FRMPD4: variants seen among roughly 807,000 people sequenced by gnomAD.
FRMPD4 encodes FERM and PDZ domain containing 4.
In FRMPD4, 22 loss-of-function variants were observed where a neutral mutation model predicts 94.1. The ratio of observed to expected loss-of-function variants is 0.23; its 90% CI spans 0.17 to 0.33. The LOEUF (loss-of-function observed/expected upper bound fraction) is 0.33. Ranked by LOEUF, FRMPD4 falls within the 10% of genes least tolerant of loss-of-function variation. FRMPD4 has a pLI of 1.00. For synonymous variants in FRMPD4, 631 were observed against 548.6 expected, an observed-to-expected ratio of 1.15 and a Z score of -2.10; for missense variants, 1,111 against 1,339.9, an observed-to-expected ratio of 0.83 and a Z score of 2.67.
At chrX:11,892,016 C>T (rs2053877043) in intron 3 of FRMPD4, among the ~76,000 whole-genome samples, 1 of 112,069 alleles carries the variant, frequency 8.9e-6, no homozygotes, top group Non-Finnish European at 1.9e-5. Context: ...TATCAGAGGA[C>T]TCAGTAGCTT....
Position 12,154,962 on chromosome X carries a change from C to CATTCTCTTTGTGAGG in FRMPD4, c.41+15951_41+15965dup, listed in dbSNP as rs1425367266. On this transcript the variant is annotated intron_variant, in intron 1 of 16. Transcript: ENST00000675598. ...GCAGGGGTGGCCAGAGCACTGTGAGCATTCTCTTTGTGAGGCTCTTTCTTT... is the reference window on the plus strand; with the variant it reads ...GCAGGGGTGGCCAGAGCACTGTGAGCATTCTCTTTGTGAGGATTCTCTTTGTGAGGCTCTTTCTTT... Among the ~76,000 whole-genome samples the CATTCTCTTTGTGAGG allele has an allele frequency of 2.7e-5, 3 of 112,385 alleles. No individual in the cohort carries two copies. In the East Asian group the frequency reaches 8.4e-4, roughly 31 times the overall value.
intron 1 of FRMPD4, among the ~76,000 whole-genome samples, chrX:12,317,033 C>T (rs972221224): frequency 2.7e-5 from 3 of 112,098 alleles, no homozygotes; most frequent in African/African-American, 9.7e-5. Flanking sequence ...ATTTTAAGAT[C>T]TGAATGCTGA....
intron 1 of FRMPD4, among the ~76,000 whole-genome samples, chrX:12,163,513 G>T (rs2147624638): frequency 9.5e-6 from 1 of 105,557 alleles, no homozygotes; most frequent in South Asian, 4.3e-4. Flanking sequence ...AGACCTTGAG[G>T]TTTTGAAGTT....
At chrX:12,492,326 ATAAC>A (rs771722699) in intron 1 of FRMPD4, among the ~76,000 whole-genome samples, 4 of 112,255 alleles carry the variant, frequency 3.6e-5, no homozygotes, top group East Asian at 2.8e-4. Flanking sequence ...ATTAAGAAAC[ATAAC>A]TAACTCAACA....
chrX:12,107,437 C>A (rs2055309921), intron 3 of FRMPD4, among the ~76,000 whole-genome samples: 1 of 111,737 alleles, frequency 8.9e-6, no homozygotes, highest in East Asian at 2.8e-4. Flanking sequence ...GATGAAACCA[C>A]AAAGATGGGG....
chrX:12,519,873 T>C (rs1324276818), intron 2 of FRMPD4, among the ~76,000 whole-genome samples: 1 of 112,081 alleles, frequency 8.9e-6, no homozygotes, highest in African/African-American at 3.2e-5. Context: ...TTAGGATAGC[T>C]ACTCTCATAA....
intron 4 of FRMPD4, among the ~76,000 whole-genome samples, chrX:12,656,897 ACCAACATGGAGAAACC>A (rs2059662660): frequency 9.0e-6 from 1 of 110,703 alleles, no homozygotes; most frequent in South Asian, 3.9e-4. Context: ...GACCAGCCTG[ACCAACATGGAGAAACC>A]CCATCTCTAC....
intron 2 of FRMPD4, among the ~76,000 whole-genome samples, chrX:12,539,649 T>C (rs1353736199): frequency 1.8e-5 from 2 of 110,461 alleles, no homozygotes; most frequent in Non-Finnish European, 3.8e-5. Context: ...TTTTTTTTTT[T>C]TGAGACGGAG....
chrX:11,911,228 G>A (rs775139259), intron 3 of FRMPD4, among the ~76,000 whole-genome samples: 31 of 112,462 alleles, frequency 2.8e-4, no homozygotes, highest in Non-Finnish European at 4.7e-4. Context: ...TTGAGCTGTC[G>A]TTTGTCAACT....
intron 1 of FRMPD4, among the ~76,000 whole-genome samples, chrX:12,147,518 A>T (rs1047548294): frequency 8.9e-6 from 1 of 112,292 alleles, no homozygotes; most frequent in Non-Finnish European, 1.9e-5. Context: ...CTTGTATGAC[A>T]CTGTGTTATG....
intron 1 of FRMPD4, among the ~76,000 whole-genome samples, chrX:12,371,965 T>C (rs183541093): frequency 8.9e-6 from 1 of 112,348 alleles, no homozygotes; most frequent in East Asian, 2.8e-4. Flanking sequence ...GATATAACTA[T>C]ACCAAAAAAA....
At chrX:12,567,749 T>C (rs1210429615) in intron 2 of FRMPD4, among the ~76,000 whole-genome samples, 1 of 111,014 alleles carries the variant, frequency 9.0e-6, no homozygotes, top group Non-Finnish European at 1.9e-5. Flanking sequence ...TGGATCCTAG[T>C]GAGGTGCTAT....
upstream of FRMPD4, among the ~76,000 whole-genome samples, chrX:12,136,471 A>G (rs1162044627): frequency 9.0e-5 from 10 of 111,629 alleles, no homozygotes; most frequent in Non-Finnish European, 1.3e-4. Context: ...GCAATTTTAA[A>G]TTGGCTTTCT....
At chrX:12,306,916 T>C (rs1404421588) in intron 1 of FRMPD4, among the ~76,000 whole-genome samples, 1 of 111,194 alleles carries the variant, frequency 9.0e-6, no homozygotes, top group Non-Finnish European at 1.9e-5. Context: ...AGATGGTGGA[T>C]GTTTTCCATA....
In FRMPD4 at chrX:12,596,479, G is replaced by A. The variant is rs765480456; in HGVS notation, c.159-13242G>A. Reference sequence around the variant, plus strand: ...GAAGACAGTGCTCATTCTACTCTCAGTGACTATTCTCTTCTCCCTGCTGAA... The same window carrying A: ...GAAGACAGTGCTCATTCTACTCTCAATGACTATTCTCTTCTCCCTGCTGAA... On this transcript the variant is annotated intron_variant, in intron 2 of 16. Coordinates refer to ENST00000675598, the MANE Select transcript of FRMPD4 (RefSeq NM_001368397.1). 2.7e-5 allele frequency among the ~76,000 whole-genome samples: 3 copies of A among 110,817 alleles called. No homozygotes were observed. The South Asian group carries it at 1.2e-3, about 43-fold the overall frequency.
chrX:12,265,714 T>C (rs1232410112), intron 1 of FRMPD4, among the ~76,000 whole-genome samples: 1 of 110,045 alleles, frequency 9.1e-6, no homozygotes, highest in Non-Finnish European at 1.9e-5. Context: ...ATGATTACAA[T>C]ACAGTTTTAA....
chrX:12,331,692 A>C (rs9803287), intron 1 of FRMPD4, among the ~76,000 whole-genome samples: 16 of 63,797 alleles, frequency 2.5e-4, no homozygotes, highest in African/African-American at 1.0e-3. Flanking sequence ...TATTTATATA[A>C]TATATAAATA....
chrX:12,472,211 G>A, intron 1 of FRMPD4, among the ~76,000 whole-genome samples: 1 of 112,595 alleles, frequency 8.9e-6, no homozygotes, highest in Non-Finnish European at 1.9e-5. Flanking sequence ...CTGGGGGTCA[G>A]TGGTATCTGG....
intron 1 of FRMPD4, among the ~76,000 whole-genome samples, chrX:12,462,398 T>C (rs1157049706): frequency 2.7e-5 from 3 of 112,198 alleles, no homozygotes; most frequent in Non-Finnish European, 5.6e-5. Flanking sequence ...GATAACTTTT[T>C]GTATTTTTTT....
Sources: allele counts gnomAD v4.1 joint callset (sites outside exome capture counted in the v4.1 genomes callset), GRCh38; gene constraint gnomAD v4.1.1; transcripts MANE v1.5; gene names NCBI Gene and HGNC (gene_info 2026-07-23, HGNC 2026-07-21).